Variants in PTCHD4 observed in about 807,000 individuals in gnomAD.
The protein encoded by PTCHD4 is patched domain-containing protein 4.
In PTCHD4, 33 loss-of-function variants were observed where a neutral mutation model predicts 58.1. The ratio of observed to expected loss-of-function variants is 0.57; its 90% CI spans 0.43 to 0.76. The LOEUF (loss-of-function observed/expected upper bound fraction) is 0.76. PTCHD4 is among the 30% of genes least tolerant of loss of function. The pLI is 0.00. For synonymous variants in PTCHD4, 478 were observed against 409.6 expected, an observed-to-expected ratio of 1.17 and a Z score of -2.02; for missense variants, 1,058 against 1,027.1, an observed-to-expected ratio of 1.03 and a Z score of -0.41.
chr6:47,966,686 A>G (rs1767308644), intron 4 of PTCHD4, among the ~76,000 whole-genome samples: 1 of 152,236 alleles, frequency 6.6e-6, no homozygotes, highest in Non-Finnish European at 1.5e-5. Context: ...TGTCATTTCA[A>G]CAATGTTCAG....
At chr6:47,970,000 G>A (rs564467012) in intron 4 of PTCHD4, among the ~76,000 whole-genome samples, 21 of 152,244 alleles carry the variant, frequency 1.4e-4, no homozygotes, top group African/African-American at 3.4e-4. Flanking sequence ...TAAGGAGGTC[G>A]CATTAGTTCC....
At chr6:48,035,161 A>G (rs1044887699) in intron 3 of PTCHD4, among the ~76,000 whole-genome samples, 1 of 152,146 alleles carries the variant, frequency 6.6e-6, no homozygotes, top group African/African-American at 2.4e-5. Context: ...GCAGAGAAAT[A>G]CATTGAAATA....
chr6:48,015,678 C>A (rs994697929), intron 3 of PTCHD4, among the ~76,000 whole-genome samples: 3 of 151,984 alleles, frequency 2.0e-5, no homozygotes, highest in Admixed American at 6.6e-5. Flanking sequence ...TTGCATAGAC[C>A]TTTTATCTTC....
chr6:47,954,049 T>C (rs1165524229), intron 4 of PTCHD4, among the ~76,000 whole-genome samples: 3 of 152,098 alleles, frequency 2.0e-5, no homozygotes, highest in African/African-American at 7.2e-5. Flanking sequence ...ACTAATGAAT[T>C]AGAATTGCTT....
At chr6:47,888,562 T>C (rs1764270563) in intron 4 of PTCHD4, among the ~76,000 whole-genome samples, 1 of 152,222 alleles carries the variant, frequency 6.6e-6, no homozygotes, top group South Asian at 2.1e-4. Context: ...TATCTTAGTG[T>C]ATAGATAAAA....
chr6:47,893,203 G>T (rs1182979905), intron 4 of PTCHD4, among the ~76,000 whole-genome samples: 1 of 151,924 alleles, frequency 6.6e-6, no homozygotes, highest in Non-Finnish European at 1.5e-5. Flanking sequence ...TAGAGATGGG[G>T]TTTCACCATG....
chr6:48,060,776 G>A (rs752459114), intron 3 of PTCHD4, among the ~76,000 whole-genome samples: 22 of 152,182 alleles, frequency 1.4e-4, no homozygotes, highest in Admixed American at 9.2e-4. Context: ...TGCCTGACAC[G>A]CCTTCAGCCT....
chr6:47,970,031 G>A (rs1318656636), intron 4 of PTCHD4, among the ~76,000 whole-genome samples: 1 of 152,128 alleles, frequency 6.6e-6, no homozygotes, highest in Non-Finnish European at 1.5e-5. Flanking sequence ...AGCACAATCT[G>A]AGCATATGGA....
At chr6:48,104,128 C>A (rs1233923099) in intron 1 of PTCHD4, among the ~76,000 whole-genome samples, 1 of 152,122 alleles carries the variant, frequency 6.6e-6, no homozygotes, top group Non-Finnish European at 1.5e-5. Flanking sequence ...TCGAGAAGAG[C>A]AACTCCAAGA....
At chr6:47,933,494 A>C (rs1391290233) in intron 4 of PTCHD4, among the ~76,000 whole-genome samples, 6 of 152,246 alleles carry the variant, frequency 3.9e-5, no homozygotes, top group African/African-American at 1.4e-4. Flanking sequence ...ATAAATATTT[A>C]TCCATCCTGA....
Position 48,068,755 on chromosome 6 carries a change from C to G in PTCHD4, c.6-114G>C. 2.0e-6 allele frequency: 2 copies of G among 1,010,540 alleles called. No homozygotes were observed. The highest frequency in any genetic ancestry group is 5.2e-5 in the East Asian group (2 of 38,144). 62.6% of individuals were successfully genotyped at this position (1,010,540 alleles called of 1,614,324 possible). On this transcript the variant is annotated intron_variant, in intron 2 of 4. Transcript: ENST00000339488. This position sits in a 1 kb window ranked among gnomAD's most constrained non-coding sequence, Gnocchi z 4.2. ...CCGCCGCCTCCCCACCCACTCCGCG[C>G]TCACCCCACAACCACTCCGCCTGGT...
At chr6:47,946,271 A>G (rs190379312) in intron 4 of PTCHD4, among the ~76,000 whole-genome samples, 156 of 152,188 alleles carry the variant, frequency 1.0e-3, no homozygotes, top group African/African-American at 3.7e-3. Context: ...TGCTACATTT[A>G]TCAATTATTG....
intron 4 of PTCHD4, among the ~76,000 whole-genome samples, chr6:47,894,587 T>C (rs1764476249): frequency 6.6e-6 from 1 of 152,382 alleles, no homozygotes; most frequent in African/African-American, 2.4e-5. Flanking sequence ...TTACTAAACA[T>C]TCAATAAATG....
intron 3 of PTCHD4, among the ~76,000 whole-genome samples, chr6:48,016,766 TA>T (rs1030940469): frequency 1.3e-5 from 2 of 150,536 alleles, no homozygotes; most frequent in African/African-American, 2.5e-5. Context: ...GAGAGAAGAT[TA>T]AAAAAAATTA....
chr6:47,902,225 A>AG, intron 4 of PTCHD4, among the ~76,000 whole-genome samples: 1 of 152,238 alleles, frequency 6.6e-6, no homozygotes, highest in East Asian at 1.9e-4. Flanking sequence ...TAAAAAATCA[A>AG]GTTAAACAGG....
chr6:47,875,761 T>C lies in PTCHD4; in HGVS notation c.*2542A>G, dbSNP rs921002818. 6.6e-6 allele frequency among the ~76,000 whole-genome samples: 1 copy of C among 151,868 alleles called. No individual in the cohort carries two copies. Among genetic ancestry groups the C allele is most frequent in the African/African-American group, 2.4e-5 (1 of 41,396 alleles). On this transcript the variant is annotated 3_prime_UTR_variant, in exon 5 of 5. Coordinates refer to ENST00000339488, the MANE Select transcript of PTCHD4 (RefSeq NM_001384253.1). ...TCTGCCCTGGTCATTTGGCAGTGTATACCATTTCCTCCATGTGCTTTTGAC... is the reference window on the plus strand; with the variant it reads ...TCTGCCCTGGTCATTTGGCAGTGTACACCATTTCCTCCATGTGCTTTTGAC...
intron 1 of PTCHD4, among the ~76,000 whole-genome samples, chr6:48,099,015 T>C (rs2113910211): frequency 6.6e-6 from 1 of 152,314 alleles, no homozygotes; most frequent in South Asian, 2.1e-4. Flanking sequence ...TACAGTAATT[T>C]GTTTCATATT....
At chr6:47,946,143 T>A (rs1360331560) in intron 4 of PTCHD4, among the ~76,000 whole-genome samples, 1 of 152,054 alleles carries the variant, frequency 6.6e-6, no homozygotes, top group African/African-American at 2.4e-5. Flanking sequence ...TCAATTTCCA[T>A]CAATGTTTCA....
At chr6:47,967,279 CTT>C (rs1767329787) in intron 4 of PTCHD4, among the ~76,000 whole-genome samples, 1 of 152,144 alleles carries the variant, frequency 6.6e-6, no homozygotes, top group South Asian at 2.1e-4. Flanking sequence ...TGAAAGGACT[CTT>C]TTTCTAAGCT....
Sources: allele counts gnomAD v4.1 joint callset (sites outside exome capture counted in the v4.1 genomes callset), GRCh38; gene constraint gnomAD v4.1.1; non-coding constraint Gnocchi (gnomAD v3.1); transcripts MANE v1.5; gene names NCBI Gene and HGNC (gene_info 2026-07-23, HGNC 2026-07-21).